PHKB: variants seen among roughly 807,000 people sequenced by gnomAD.
The protein encoded by PHKB is phosphorylase b kinase regulatory subunit beta.
Under a neutral mutation model 152.1 loss-of-function variants are expected in PHKB, and 122 were observed. The ratio of observed to expected loss-of-function variants is 0.80; its 90% CI spans 0.69 to 0.93. The LOEUF is 0.93. Ranked by LOEUF, PHKB falls within the 40% of genes least tolerant of loss-of-function variation. PHKB has a pLI of 0.00. For missense variants in PHKB, 1,304 were observed against 1,328.4 expected, an observed-to-expected ratio of 0.98 and a Z score of 0.29; for synonymous variants, 436 against 464.9, an observed-to-expected ratio of 0.94 and a Z score of 0.80.
At chr16:47,524,919 C>T (rs1393874756) in intron 6 of PHKB, among the ~76,000 whole-genome samples, 3 of 151,996 alleles carry the variant, frequency 2.0e-5, no homozygotes, top group Non-Finnish European at 4.4e-5. Context: ...GACTCACTTA[C>T]GATTTTTAAA....
At chr16:47,667,478 A>G (rs1167023913) in intron 25 of PHKB, among the ~76,000 whole-genome samples, 1 of 152,182 alleles carries the variant, frequency 6.6e-6, no homozygotes, top group Admixed American at 6.5e-5. Flanking sequence ...AAAAAGTTAA[A>G]TCACTTCATA....
At chr16:47,611,943 G>C (rs897708783) in intron 14 of PHKB, among the ~76,000 whole-genome samples, 1 of 152,122 alleles carries the variant, frequency 6.6e-6, no homozygotes, top group Non-Finnish European at 1.5e-5. Context: ...GGGGTATTTG[G>C]CCTTTATCTT....
chr16:47,540,781 A>G (rs1214952834), intron 6 of PHKB, among the ~76,000 whole-genome samples: 2 of 138,888 alleles, frequency 1.4e-5, no homozygotes, highest in East Asian at 4.3e-4. Flanking sequence ...TTCAAATGTT[A>G]TCTAATTATT....
At chr16:47,601,794 GTGA>G (rs924014480) in intron 13 of PHKB, among the ~76,000 whole-genome samples, 16 of 151,968 alleles carry the variant, frequency 1.1e-4, no homozygotes, top group African/African-American at 3.6e-4. Flanking sequence ...GACATTCATA[GTGA>G]TGATCTTCAT....
chr16:47,491,241 T>A (rs1191643504), intron 1 of PHKB, among the ~76,000 whole-genome samples: 14 of 152,290 alleles, frequency 9.2e-5, no homozygotes. Context: ...TAGTTCTATA[T>A]GTTTGTAAGG....
intron 1 of PHKB, among the ~76,000 whole-genome samples, chr16:47,480,723 T>A (rs1431609629): frequency 1.3e-5 from 2 of 152,230 alleles, no homozygotes; most frequent in African/African-American, 4.8e-5. Context: ...ATAAAATTCT[T>A]ATAACTAAAT....
chr16:47,556,176 A>G (rs1971366069), intron 7 of PHKB, among the ~76,000 whole-genome samples: 1 of 152,180 alleles, frequency 6.6e-6, no homozygotes, highest in Non-Finnish European at 1.5e-5. Flanking sequence ...GGGCTGAGAC[A>G]ATGGAGTTTT....
intron 1 of PHKB, among the ~76,000 whole-genome samples, chr16:47,489,656 A>G (rs1297190837): frequency 6.6e-6 from 1 of 152,212 alleles, no homozygotes; most frequent in Non-Finnish European, 1.5e-5. Context: ...TAGGCCTGTT[A>G]GAAAGTGACA....
rs1029751144 is a variant in PHKB, at chr16:47,663,882, T to C, written c.2336+148T>C. ...TTACAGCACTTTCTAAGAATGTGCC[T>C]ATGTAGCATGTCTGTCCCCCCACTG... On this transcript the variant is annotated intron_variant, in intron 24 of 30. Coordinates refer to ENST00000323584, the MANE Select transcript of PHKB (RefSeq NM_000293.3). 8.9e-6 allele frequency: 6 copies of C among 677,254 alleles called. No individual in the cohort carries two copies. The African/African-American group carries it at 1.1e-4, about 12-fold the overall frequency. 42.0% of individuals were successfully genotyped at this position (677,254 alleles called of 1,614,324 possible).
chr16:47,634,774 G>A (rs1298501149), intron 14 of PHKB, among the ~76,000 whole-genome samples: 1 of 152,198 alleles, frequency 6.6e-6, no homozygotes, highest in East Asian at 1.9e-4. Flanking sequence ...ACATGGTGAA[G>A]AAGAGAAGGG....
intron 6 of PHKB, among the ~76,000 whole-genome samples, chr16:47,534,335 C>A (rs933661633): frequency 2.6e-5 from 4 of 152,188 alleles, no homozygotes; most frequent in African/African-American, 9.6e-5. Flanking sequence ...TGGCCGATAA[C>A]CTCTGGCTGC....
intron 5 of PHKB, among the ~76,000 whole-genome samples, chr16:47,514,526 T>G (rs1970562986): frequency 6.6e-6 from 1 of 152,210 alleles, no homozygotes; most frequent in Non-Finnish European, 1.5e-5. Context: ...TTCCTCTGCC[T>G]TTTTGTTCCA....
intron 4 of PHKB, among the ~76,000 whole-genome samples, chr16:47,506,091 C>T (rs1365316104): frequency 2.0e-5 from 3 of 149,700 alleles, no homozygotes; most frequent in South Asian, 2.1e-4. Flanking sequence ...TGATGGCTCA[C>T]GCCTGTAATC....
At chr16:47,532,004 A>G (rs931201208) in intron 6 of PHKB, among the ~76,000 whole-genome samples, 7 of 152,254 alleles carry the variant, frequency 4.6e-5, no homozygotes, top group Non-Finnish European at 7.3e-5. Flanking sequence ...AGACATTTGT[A>G]ACACAGGTAT....
At chr16:47,570,318 G>A (rs557948850) in intron 7 of PHKB, among the ~76,000 whole-genome samples, 1 of 152,184 alleles carries the variant, frequency 6.6e-6, no homozygotes, top group African/African-American at 2.4e-5. Flanking sequence ...GTATTTGGAT[G>A]TCTAAATCTC....
chr16:47,646,905 A>T (rs1017686205), intron 16 of PHKB, among the ~76,000 whole-genome samples: 2 of 152,092 alleles, frequency 1.3e-5, no homozygotes, highest in African/African-American at 4.8e-5. Context: ...AGCTATCTTT[A>T]TCAGGAGATA....
Position 47,700,728 on chromosome 16 carries a change from T to C in PHKB, c.*1362T>C, listed in dbSNP as rs1974234232. 2 of 152,096 alleles carry C rather than the reference T, an allele frequency of 1.3e-5. No individual in the cohort carries two copies. The highest frequency in any genetic ancestry group is 6.6e-5 in the Admixed American group (1 of 15,266). The allele number at this position is 152,096 out of a possible 1,614,324, so 9.4% of individuals were successfully genotyped here. ...CAAAGAGAGTTGTTTTTCTGATCAA[T>C]CTTACTGGAGTTTCACCTGAGAAGA... On this transcript the variant is annotated 3_prime_UTR_variant, in exon 31 of 31. Coordinates refer to ENST00000323584, the MANE Select transcript of PHKB (RefSeq NM_000293.3).
At chr16:47,633,628 A>G (rs1332572963) in intron 14 of PHKB, among the ~76,000 whole-genome samples, 3 of 152,170 alleles carry the variant, frequency 2.0e-5, no homozygotes, top group African/African-American at 7.2e-5. Context: ...GGATCTGGAT[A>G]GATAAAGGAA....
chr16:47,639,061 G>A (rs1248847590), intron 14 of PHKB, among the ~76,000 whole-genome samples: 1 of 152,130 alleles, frequency 6.6e-6, no homozygotes, highest in East Asian at 1.9e-4. Flanking sequence ...GATCGCTTGA[G>A]CCCAGGAGTT....
Sources: gnomAD v4.1 joint callset for allele counts (sites outside exome capture counted in the v4.1 genomes callset) on GRCh38, gnomAD v4.1.1 for gene constraint, MANE v1.5 for transcripts, NCBI Gene and HGNC (gene_info 2026-07-23, HGNC 2026-07-21) for gene names.